Variants in ESRP1 observed in about 807,000 individuals in gnomAD.
ESRP1 encodes the protein RNA-binding motif protein 35A.
ESRP1 carries 33 observed loss-of-function variants against 81.7 expected under a neutral mutation model. The ratio of observed to expected loss-of-function variants is 0.40; its 90% confidence interval spans 0.31 to 0.54. The LOEUF is 0.54. ESRP1 is among the 20% of genes least tolerant of loss of function. The pLI is 0.41. For missense variants in ESRP1, 672 were observed against 833.1 expected (o/e 0.81, Z 2.38); for synonymous variants, 320 against 303.3 (o/e 1.06, Z -0.57).
At chr8:94,691,718 C>T (rs1029414002) in intron 13 of ESRP1, among the ~76,000 whole-genome samples, 2 of 151,894 alleles carry the variant, frequency 1.3e-5, no homozygotes, top group African/African-American at 4.8e-5. Flanking sequence ...GTTTAATTAC[C>T]CTTGAAATGG....
At chr8:94,700,445 T>C (rs1349025750) in intron 15 of ESRP1, among the ~76,000 whole-genome samples, 2 of 151,746 alleles carry the variant, frequency 1.3e-5, no homozygotes, top group African/African-American at 4.8e-5. Context: ...AGCCCAGGAG[T>C]GTTCCCAGCT....
intron 12 of ESRP1, among the ~76,000 whole-genome samples, chr8:94,676,890 C>G (rs541575648): frequency 6.6e-6 from 1 of 151,884 alleles, no homozygotes; most frequent in Non-Finnish European, 1.5e-5. Flanking sequence ...CGGTGGCTTA[C>G]GCCTGTAATC....
At chr8:94,678,477 C>A (rs1808731642) in intron 13 of ESRP1, 106 bp downstream of exon 13, 3 of 1,307,472 alleles carry the variant, frequency 2.3e-6, no homozygotes, top group East Asian at 4.9e-5. Flanking sequence ...TGAAGGTTAG[C>A]GTGGCAGGCC....
At chr8:94,651,478 G>A (rs968904584) in intron 4 of ESRP1, among the ~76,000 whole-genome samples, 7 of 152,092 alleles carry the variant, frequency 4.6e-5, no homozygotes, top group African/African-American at 1.7e-4. Flanking sequence ...CTGCTACACA[G>A]CAGCTTTGCT....
At chr8:94,653,371 C>T (rs549496113) in intron 4 of ESRP1, among the ~76,000 whole-genome samples, 8 of 152,236 alleles carry the variant, frequency 5.3e-5, no homozygotes, top group Non-Finnish European at 8.8e-5. Context: ...TCTTCAGCCT[C>T]AGATTCCCCA....
At chr8:94,652,247 C>T (rs569787088) in intron 4 of ESRP1, among the ~76,000 whole-genome samples, 64 of 152,212 alleles carry the variant, frequency 4.2e-4, no homozygotes, top group Non-Finnish European at 7.1e-4. Flanking sequence ...CTCGGCTTCT[C>T]AAAGTGCTGG....
chr8:94,676,361 A>AC (rs1176584064), intron 12 of ESRP1, among the ~76,000 whole-genome samples: 2 of 151,906 alleles, frequency 1.3e-5, no homozygotes, highest in African/African-American at 2.4e-5. Flanking sequence ...AAAAAAAAAA[A>AC]AAAAGCTATC....
At chr8:94,653,598 T>C (rs1818256683) in intron 4 of ESRP1, among the ~76,000 whole-genome samples, 1 of 152,204 alleles carries the variant, frequency 6.6e-6, no homozygotes, top group Admixed American at 6.5e-5. Flanking sequence ...TTTACACATA[T>C]AAATTTTTTT....
chr8:94,642,191 C>T (rs1817636125), intron 2 of ESRP1, 107 bp downstream of exon 2: 1 of 1,392,864 alleles, frequency 7.2e-7, no homozygotes, highest in Non-Finnish European at 9.6e-7. Context: ...GGTGGCGAGA[C>T]GCCTGCCCGG....
In ESRP1 at chr8:94,643,437, G is replaced by GA. The variant is rs779866921; in HGVS notation, c.375+28dup. The GA allele has an allele frequency of 4.9e-5, 76 of 1,544,350 alleles. No homozygotes were observed. In the African/African-American group the frequency reaches 5.0e-4, roughly 10 times the overall value. On this transcript the variant is annotated intron_variant, in intron 3 of 15. Transcript: ENST00000433389. ...AGAAGGTAAGAGTGCTGGCTTCTGG[G>GA]AAAAAAATGGTTGGAGCTTTGGGGT...
intron 3 of ESRP1, 143 bp from the exon 4 acceptor site, chr8:94,646,025 T>C: frequency 1.9e-6 from 1 of 536,004 alleles, no homozygotes; most frequent in African/African-American, 1.9e-5. Flanking sequence ...GGACCAACTT[T>C]TAAAAATAAA....
chr8:94,686,899 T>G (rs1221455867), intron 13 of ESRP1, among the ~76,000 whole-genome samples: 1 of 152,198 alleles, frequency 6.6e-6, no homozygotes, highest in Non-Finnish European at 1.5e-5. Context: ...TTAATCCTTA[T>G]ATTTCTCTAA....
At chr8:94,652,777 A>G (rs187467783) in intron 4 of ESRP1, among the ~76,000 whole-genome samples, 2 of 152,272 alleles carry the variant, frequency 1.3e-5, no homozygotes, top group African/African-American at 4.8e-5. Flanking sequence ...CAGGTGAAAA[A>G]AACTATCAAT....
chr8:94,668,173 G>T lies in ESRP1; in HGVS notation c.1156G>T (p.Ala386Ser). The stretch of plus-strand genomic sequence containing the variant: ...TGCCTGTGAGGAATATGCACAGAAT[G>T]CGTTGAGGAAGCATAAAGACTTGTT... The part of the protein sequence containing the change: ...LFACEEYAQN[A>S]LRKHKDLLGK... The change falls in exon 10 of 16, where the codon GCG becomes TCG. Residue 386 changes from alanine to serine, a missense_variant. By Grantham distance (99) the Ala-to-Ser change is moderately conservative. Transcript: ENST00000433389. 1 of 1,613,940 alleles carries T rather than the reference G, an allele frequency of 6.2e-7. No individual in the cohort carries two copies. The highest frequency in any genetic ancestry group is 8.5e-7 in the Non-Finnish European group (1 of 1,179,850).
chr8:94,650,348 C>A (rs1435053051), intron 4 of ESRP1, among the ~76,000 whole-genome samples: 2 of 152,076 alleles, frequency 1.3e-5, no homozygotes, highest in Admixed American at 1.3e-4. Context: ...TTTGGCCAAT[C>A]ATTCCTCCCT....
At chr8:94,680,743 A>C (rs1808839946) in intron 13 of ESRP1, among the ~76,000 whole-genome samples, 1 of 152,180 alleles carries the variant, frequency 6.6e-6, no homozygotes, top group Non-Finnish European at 1.5e-5. Context: ...ATTAATTTCT[A>C]ACCTGGCATA....
chr8:94,659,999 A>G (rs1818636714), intron 4 of ESRP1, among the ~76,000 whole-genome samples: 1 of 152,212 alleles, frequency 6.6e-6, no homozygotes, highest in Non-Finnish European at 1.5e-5. Context: ...GGTTTATGAG[A>G]TTCAAGGAAA....
Position 94,692,807 on chromosome 8 carries a change from A to G in ESRP1, c.1951A>G (p.Asn651Asp), listed in dbSNP as rs1809457192. 17 of 1,613,394 alleles carry G rather than the reference A, an allele frequency of 1.1e-5. No homozygotes were observed. Among genetic ancestry groups the G allele is most frequent in the Non-Finnish European group, 1.4e-5 (17 of 1,179,652 alleles). ...CAATACTGGAGTTAAGGAAATTCTT[A>G]ACTTCTTCCAAGGTTACCAGGTCAG... is the stretch of plus-strand genomic sequence containing the variant. ...AYNTGVKEILNFFQGYQYATE... is the reference protein window; with the variant it reads ...AYNTGVKEILDFFQGYQYATE... The change falls in exon 14 of 16, where the codon AAC becomes GAC. Residue 651 changes from asparagine to aspartate, a missense_variant. Coordinates refer to ENST00000433389, the MANE Select transcript of ESRP1 (RefSeq NM_017697.4).
chr8:94,697,890 C>A (rs766369486), intron 15 of ESRP1, among the ~76,000 whole-genome samples: 3 of 152,136 alleles, frequency 2.0e-5, no homozygotes, highest in African/African-American at 7.2e-5. Context: ...AGGTGATTCT[C>A]CTGCCTCAGC....
Sources: allele counts gnomAD v4.1 joint callset (sites outside exome capture counted in the v4.1 genomes callset), GRCh38; gene constraint gnomAD v4.1.1; transcripts MANE v1.5; gene names NCBI Gene and HGNC (gene_info 2026-07-23, HGNC 2026-07-21).